EFHB: variants seen among roughly 807,000 people sequenced by gnomAD.
The protein encoded by EFHB is EF-hand domain-containing family member B.
A neutral mutation model predicts 87.2 loss-of-function variants in EFHB; 91 were observed. The observed-to-expected ratio is 1.04, with a 90% CI of 0.88 to 1.24. EFHB has a LOEUF of 1.24. EFHB is among the 50% of genes most tolerant of loss of function. The probability of loss-of-function intolerance (pLI) is 0.00; values close to 1 mark genes in which losing one functional copy is unlikely to be tolerated. For missense variants in EFHB, 1,084 were observed against 998.8 expected (o/e 1.09, Z -1.15); for synonymous variants, 325 against 333.6 (o/e 0.97, Z 0.28).
At chr3:19,896,659 T>A (rs946267806) in intron 9 of EFHB, 28 bp downstream of exon 9, 2 of 1,613,806 alleles carry the variant, frequency 1.2e-6, no homozygotes, top group African/African-American at 2.7e-5. Context: ...GCCCATGCAT[T>A]ACCAAAAAGC....
chr3:19,929,708 C>CAAAAAA (rs34016968), intron 1 of EFHB, among the ~76,000 whole-genome samples: 13 of 79,736 alleles, frequency 1.6e-4, no homozygotes, highest in East Asian at 4.4e-4. Context: ...GACTCCATCT[C>CAAAAAA]AAAAAAAAAA....
chr3:19,931,291 C>T (rs1225876814), intron 1 of EFHB, among the ~76,000 whole-genome samples: 1 of 152,218 alleles, frequency 6.6e-6, no homozygotes, highest in Non-Finnish European at 1.5e-5. Context: ...CCTTGACACT[C>T]TCTTTCTTGT....
At chr3:19,905,003 A>G (rs1403776586) in intron 6 of EFHB, among the ~76,000 whole-genome samples, 2 of 152,248 alleles carry the variant, frequency 1.3e-5, no homozygotes, top group Non-Finnish European at 2.9e-5. Context: ...CTAAGGAAGT[A>G]GTCTTTACAG....
intron 9 of EFHB, among the ~76,000 whole-genome samples, chr3:19,891,885 G>A (rs1346562639): frequency 1.3e-5 from 2 of 152,124 alleles, no homozygotes; most frequent in African/African-American, 2.4e-5. Flanking sequence ...TAATGCAGAA[G>A]CCACCACTAC....
intron 9 of EFHB, among the ~76,000 whole-genome samples, chr3:19,894,117 A>G (rs934288864): frequency 1.3e-5 from 2 of 152,104 alleles, no homozygotes; most frequent in African/African-American, 4.8e-5. Context: ...CCTGATTGCA[A>G]CTCTGAGTTT....
chr3:19,923,383 G>T (rs915188194), intron 1 of EFHB, among the ~76,000 whole-genome samples: 3 of 152,132 alleles, frequency 2.0e-5, no homozygotes, highest in African/African-American at 7.2e-5. Flanking sequence ...TTGAGACAGG[G>T]TCTGATTCCG....
intron 1 of EFHB, among the ~76,000 whole-genome samples, chr3:19,943,485 T>TC (rs1696205719): frequency 6.6e-6 from 1 of 151,994 alleles, no homozygotes; most frequent in Non-Finnish European, 1.5e-5. Flanking sequence ...AGGTATTGAG[T>TC]CCCTCCCTAT....
At chr3:19,926,147 A>C (rs1386791868) in intron 1 of EFHB, among the ~76,000 whole-genome samples, 4 of 136,572 alleles carry the variant, frequency 2.9e-5, no homozygotes, top group Non-Finnish European at 5.9e-5. Context: ...TATTCCCAAA[A>C]TAGCTGTCAG....
At chr3:19,891,652 A>G (rs1694310110) in intron 9 of EFHB, among the ~76,000 whole-genome samples, 2 of 152,220 alleles carry the variant, frequency 1.3e-5, no homozygotes, top group South Asian at 4.1e-4. Context: ...ATAGCAGATT[A>G]AAGACACCCC....
intron 11 of EFHB, among the ~76,000 whole-genome samples, chr3:19,883,979 T>C (rs1418763856): frequency 1.3e-5 from 2 of 152,184 alleles, no homozygotes; most frequent in East Asian, 3.9e-4. Context: ...GGTACTTTGA[T>C]ACAGCAGCCC....
At chr3:19,882,422 C>T in intron 12 of EFHB, 128 bp downstream of exon 12, 1 of 841,562 alleles carries the variant, frequency 1.2e-6, no homozygotes, top group East Asian at 2.8e-5. Context: ...GAGGATTATT[C>T]ATCAAGAATC....
At chr3:19,884,915 TAA>T (rs1306907125) in intron 10 of EFHB, among the ~76,000 whole-genome samples, 4,722 of 139,424 alleles carry the variant, frequency 0.034, 253 homozygotes, top group African/African-American at 0.11. Flanking sequence ...TTTCTTTTCT[TAA>T]AAAAAAAAAA....
Position 19,882,727 on chromosome 3 carries a change from G to GTTCCATCAA in EFHB, c.2150_2151insTTGATGGAA (p.Tyr717_Pro718insTer). On this transcript the variant is annotated stop_gained and inframe_insertion, in exon 12 of 13. Coordinates refer to ENST00000295824, the MANE Select transcript of EFHB (RefSeq NM_144715.4). LOFTEE classifies it high-confidence loss of function. ...GAATGGTTGGAACACCACAAATGGGGTAACCTAGGTCATTGATGAGGGAAG... is the reference window on the plus strand; with the variant it reads ...GAATGGTTGGAACACCACAAATGGGGTTCCATCAATAACCTAGGTCATTGATGAGGGAAG... 1 of 1,611,202 alleles carries GTTCCATCAA rather than the reference G, an allele frequency of 6.2e-7. No individual in the cohort carries two copies. The highest frequency in any genetic ancestry group is 1.1e-5 in the South Asian group (1 of 90,614).
intron 9 of EFHB, among the ~76,000 whole-genome samples, chr3:19,890,656 T>C (rs1243368945): frequency 1.3e-5 from 2 of 150,624 alleles, no homozygotes; most frequent in African/African-American, 2.5e-5. Flanking sequence ...GTTATTACCT[T>C]TGGGACCCCA....
At chr3:19,904,602 C>T (rs1458492695) in intron 6 of EFHB, among the ~76,000 whole-genome samples, 9 of 152,222 alleles carry the variant, frequency 5.9e-5, no homozygotes, top group Admixed American at 2.6e-4. Context: ...TCTTCACATA[C>T]CTTCCCTTCT....
rs1695313337 is a variant in EFHB, at chr3:19,918,426, A to G, written c.997-14T>C. On this transcript the variant is annotated splice_polypyrimidine_tract_variant and intron_variant, in intron 3 of 12. Transcript: ENST00000295824. Reference sequence around the variant, plus strand: ...CAATGTGTTTGCCTAAAGAAATCATACAATGCACAAATATATCAACAAAAA... The same window carrying G: ...CAATGTGTTTGCCTAAAGAAATCATGCAATGCACAAATATATCAACAAAAA... The G allele has an allele frequency of 6.4e-7, 1 of 1,573,236 alleles. No homozygotes were observed. The highest frequency in any genetic ancestry group is 1.4e-5 in the African/African-American group (1 of 72,644).
chr3:19,920,467 T>C (rs749843251), intron 2 of EFHB, 38 bp downstream of exon 2: 1 of 1,543,298 alleles, frequency 6.5e-7, no homozygotes, highest in Admixed American at 1.9e-5. Context: ...ACATAGAAGG[T>C]AAAAATAGAA....
chr3:19,882,501 G>A, intron 12 of EFHB, 49 bp downstream of exon 12: 1 of 1,396,072 alleles, frequency 7.2e-7, no homozygotes, highest in African/African-American at 1.4e-5. Context: ...TAAAATAGTA[G>A]TTGTTGATAG....
chr3:19,910,401 A>G (rs560527103), intron 5 of EFHB, among the ~76,000 whole-genome samples: 14 of 152,210 alleles, frequency 9.2e-5, no homozygotes, highest in South Asian at 4.2e-4. Context: ...GAAAGACTGT[A>G]TCTTGTGGTT....
Sources: gnomAD v4.1 joint callset for allele counts (sites outside exome capture counted in the v4.1 genomes callset) on GRCh38, gnomAD v4.1.1 for gene constraint, MANE v1.5 for transcripts, NCBI Gene and HGNC (gene_info 2026-07-23, HGNC 2026-07-21) for gene names.